Variants in MCM5 observed in about 807,000 individuals in gnomAD.
MCM5 encodes DNA replication licensing factor MCM5.
A neutral mutation model predicts 79.9 loss-of-function variants in MCM5; 46 were observed. That is an observed-to-expected ratio of 0.58 (90% CI 0.45 to 0.74). The LOEUF (loss-of-function observed/expected upper bound fraction) is 0.74, where lower values mean the gene tolerates loss of function less well. Among genes scored for constraint, MCM5 ranks in the 30% least tolerant of loss-of-function variants. The pLI, the probability that MCM5 is intolerant of heterozygous loss-of-function variation, is 0.00. For missense variants in MCM5, 883 were observed against 1,017.0 expected (o/e 0.87, Z 1.79); for synonymous variants, 404 against 390.5 (o/e 1.03, Z -0.41).
chr22:35,408,629 G>T (rs1201899099), intron 6 of MCM5, 66 bp downstream of exon 6: 8 of 1,530,168 alleles, frequency 5.2e-6, no homozygotes, highest in Non-Finnish European at 7.1e-6. Flanking sequence ...GCCCTAACCC[G>T]AGTGTTGGGA....
At chr22:35,413,791 G>T in intron 8 of MCM5, 84 bp from the exon 9 acceptor site, 1 of 812,184 alleles carries the variant, frequency 1.2e-6, no homozygotes. Flanking sequence ...GGAGTCAACT[G>T]CCAGCCCACC....
At chr22:35,438,211 A>C in the MCM5 span, among the ~76,000 whole-genome samples, 1 of 150,188 alleles carries the variant, frequency 6.7e-6, no homozygotes, top group Non-Finnish European at 1.5e-5. Flanking sequence ...ATCCACCCAC[A>C]TGCATATCCA....
the MCM5 span, among the ~76,000 whole-genome samples, chr22:35,451,316 G>A: frequency 4.1e-4 from 62 of 152,250 alleles, 1 homozygote; most frequent in Admixed American, 3.3e-3. Context: ...CCCAGGCAAC[G>A]GGAACATTTA....
chr22:35,420,349 A>G (rs1488273944), intron 14 of MCM5, among the ~76,000 whole-genome samples: 2 of 152,186 alleles, frequency 1.3e-5, no homozygotes, highest in African/African-American at 2.4e-5. Flanking sequence ...ACTGTAGGGA[A>G]ATTACATTCC....
chr22:35,422,954 C>A (rs1282516282), intron 15 of MCM5: 1 of 309,354 alleles, frequency 3.2e-6, no homozygotes, highest in Non-Finnish European at 5.9e-6. Flanking sequence ...GTCTCTGCTG[C>A]GCTGGGCCCC....
intron 12 of MCM5, among the ~76,000 whole-genome samples, chr22:35,417,184 GT>G (rs1290080499): frequency 6.6e-6 from 1 of 152,172 alleles, no homozygotes; most frequent in Non-Finnish European, 1.5e-5. Flanking sequence ...TATAGAATTG[GT>G]AAGTCCGGCG....
intron 8 of MCM5, 130 bp from the exon 9 acceptor site, chr22:35,413,745 A>G: frequency 1.5e-6 from 1 of 652,552 alleles, no homozygotes; most frequent in Non-Finnish European, 2.8e-6. Context: ...CACAGCCACT[A>G]CCTTCTTACC....
chr22:35,431,382 T>G, the MCM5 span, among the ~76,000 whole-genome samples: 2 of 152,168 alleles, frequency 1.3e-5, no homozygotes, highest in South Asian at 4.2e-4. Flanking sequence ...TGAGAATCAG[T>G]CTGGATCTCA....
At chr22:35,427,697 G>GC (rs1932787135), downstream of MCM5, among the ~76,000 whole-genome samples, 1 of 149,546 alleles carries the variant, frequency 6.7e-6, no homozygotes, top group African/African-American at 2.5e-5. Context: ...TCCCTCCCTA[G>GC]CCCCCCACCC....
intron 9 of MCM5, among the ~76,000 whole-genome samples, chr22:35,414,887 C>T (rs1399195169): frequency 2.6e-5 from 4 of 152,016 alleles, no homozygotes; most frequent in African/African-American, 9.7e-5. Flanking sequence ...AATGGGTCTG[C>T]GGGGATCAGA....
At chr22:35,440,000 A>T in the MCM5 span, among the ~76,000 whole-genome samples, 1 of 152,214 alleles carries the variant, frequency 6.6e-6, no homozygotes, top group Non-Finnish European at 1.5e-5. Flanking sequence ...AAGAAATAAA[A>T]AAAATCATCT....
At chr22:35,426,084 C>G (rs1932777785), downstream of MCM5, among the ~76,000 whole-genome samples, 1 of 151,994 alleles carries the variant, frequency 6.6e-6, no homozygotes, top group African/African-American at 2.4e-5. Flanking sequence ...GGAGACTGAC[C>G]CTGGGGTAGG....
Position 35,408,542 on chromosome 22 carries a change from A to C in MCM5, c.731A>C (p.His244Pro). 1 of 1,612,912 alleles carries C rather than the reference A, an allele frequency of 6.2e-7. No homozygotes were observed. The highest frequency in any genetic ancestry group is 8.5e-7 in the Non-Finnish European group (1 of 1,178,982). Residue 244 changes from histidine to proline, a missense_variant, in exon 6 of 17, where the codon CAC becomes CCC. Physicochemically the swap from His to Pro is moderately conservative, Grantham distance 77. Transcript: ENST00000216122. ...DAVPHGEMPR[H>P]MQLYCDRYLC... Reference sequence around the variant, plus strand: ...GTCCCCCACGGGGAGATGCCCAGACACATGCAGCTCTACTGCGACAGGTGA... The same window carrying C: ...GTCCCCCACGGGGAGATGCCCAGACCCATGCAGCTCTACTGCGACAGGTGA...
At chr22:35,431,746 A>AC in the MCM5 span, among the ~76,000 whole-genome samples, 2 of 151,044 alleles carry the variant, frequency 1.3e-5, no homozygotes, top group African/African-American at 2.4e-5. Context: ...GGCTCCTGGA[A>AC]CCCCCCAGCT....
At chr22:35,425,513 G>A (rs957645276), downstream of MCM5, 1 of 152,138 alleles carries the variant, frequency 6.6e-6, no homozygotes, top group Admixed American at 6.5e-5. Flanking sequence ...ATTCCATACT[G>A]TTCGGGGAAA....
chr22:35,439,730 A>G, the MCM5 span, among the ~76,000 whole-genome samples: 3 of 152,202 alleles, frequency 2.0e-5, no homozygotes, highest in African/African-American at 4.8e-5. Flanking sequence ...TGCTTCCTCT[A>G]TCACTTACTA....
At chr22:35,439,622 C>T in the MCM5 span, among the ~76,000 whole-genome samples, 1 of 152,212 alleles carries the variant, frequency 6.6e-6, no homozygotes, top group African/African-American at 2.4e-5. Flanking sequence ...TCCCTCCTTT[C>T]CTCCCTCCCT....
rs1601751057 is a variant in MCM5, at chr22:35,403,282, T to A, written c.243T>A (p.Asp81Glu). The change falls in exon 3 of 17, where the codon GAT becomes GAA. Residue 81 changes from aspartate to glutamate, a missense_variant. This residue lies in a region of MCM5 where 455 missense variants were observed against 517.5 expected (regional missense o/e 0.88). Transcript: ENST00000216122. ...EVEMEDLASF[D>E]EDLADYLYKQ... Reference sequence around the variant, plus strand: ...AGATGGAGGATCTGGCCAGCTTTGATGAGGACCTGGCCGACTACTTGTACA... The same window carrying A: ...AGATGGAGGATCTGGCCAGCTTTGAAGAGGACCTGGCCGACTACTTGTACA... The A allele has an allele frequency of 1.2e-6, 2 of 1,614,014 alleles. No homozygotes were observed. The highest frequency in any genetic ancestry group is 2.7e-5 in the African/African-American group (2 of 74,896).
chr22:35,413,730 C>T, intron 8 of MCM5, 145 bp from the exon 9 acceptor site: 1 of 627,166 alleles, frequency 1.6e-6, no homozygotes, highest in East Asian at 2.7e-5. Flanking sequence ...ACATGGGTCT[C>T]AGGCCACAGC....
Sources: allele counts gnomAD v4.1 joint callset (sites outside exome capture counted in the v4.1 genomes callset), GRCh38; gene constraint gnomAD v4.1.1; regional missense constraint gnomAD v4.1.1; transcripts MANE v1.5; gene names NCBI Gene and HGNC (gene_info 2026-07-23, HGNC 2026-07-21).